The following KCNS3 variants were observed in gnomAD, a reference collection of about 807,000 sequenced individuals.
The protein encoded by KCNS3 is delayed-rectifier potassium channel regulatory subunit KCNS3.
In KCNS3, 13 loss-of-function variants were observed where a neutral mutation model predicts 31.0. The observed-to-expected ratio is 0.42, with a 90% CI of 0.27 to 0.67. The LOEUF is 0.67. Among genes scored for constraint, KCNS3 ranks in the 30% least tolerant of loss-of-function variants. The pLI, the probability that KCNS3 is intolerant of heterozygous loss-of-function variation, is 0.25. For missense variants in KCNS3, 545 were observed against 622.4 expected, an observed-to-expected ratio of 0.88 and a Z score of 1.32; for synonymous variants, 238 against 241.5, an observed-to-expected ratio of 0.99 and a Z score of 0.13.
At chr2:17,883,927 TA>T (rs1674699923) in intron 1 of KCNS3, among the ~76,000 whole-genome samples, 1 of 151,572 alleles carries the variant, frequency 6.6e-6, no homozygotes, top group Non-Finnish European at 1.5e-5. Flanking sequence ...TATGCAGCCA[TA>T]AAAAAGGATG....
At chr2:17,930,179 G>T (rs1440395790) in intron 2 of KCNS3, among the ~76,000 whole-genome samples, 1 of 152,204 alleles carries the variant, frequency 6.6e-6, no homozygotes, top group Non-Finnish European at 1.5e-5. Context: ...TGATGGGAAG[G>T]AGGAGGTGGG....
At chr2:17,906,494 T>C (rs1662319759) in intron 1 of KCNS3, among the ~76,000 whole-genome samples, 1 of 152,218 alleles carries the variant, frequency 6.6e-6, no homozygotes, top group African/African-American at 2.4e-5. Flanking sequence ...ATTTCTTGCC[T>C]TCTGCTAGCT....
chr2:17,922,685 C>T (rs1414608344), intron 2 of KCNS3, among the ~76,000 whole-genome samples: 2 of 152,048 alleles, frequency 1.3e-5, no homozygotes, highest in Admixed American at 1.3e-4. Flanking sequence ...CCCCAGCAAC[C>T]ACTAATCTAC....
At chr2:17,911,048 T>C (rs1662460733) in intron 1 of KCNS3, among the ~76,000 whole-genome samples, 1 of 152,174 alleles carries the variant, frequency 6.6e-6, no homozygotes, top group African/African-American at 2.4e-5. Flanking sequence ...TACTTGTTCA[T>C]ACCTGACTCG....
At position 17,932,901 on chromosome 2, in the gene KCNS3, T is replaced by C. The variant is rs1471925788; in HGVS notation, c.*417T>C. On this transcript the variant is annotated 3_prime_UTR_variant, in exon 3 of 3. Coordinates refer to ENST00000304101, the MANE Select transcript of KCNS3 (RefSeq NM_002252.5). ...AAATGAGACAATGCATGTAAATCCA[T>C]GCTCATGTTCTAAACATGGAAACTA... The C allele has an allele frequency of 5.7e-6, 1 of 174,540 alleles. No individual in the cohort carries two copies. The highest frequency in any genetic ancestry group is 1.9e-4 in the East Asian group (1 of 5,364). The allele number at this position is 174,540 out of a possible 1,614,324, so 10.8% of individuals were successfully genotyped here. A position where few individuals can be genotyped will look rare whatever the true frequency, so the allele number is the denominator to read the frequency against.
chr2:17,910,366 T>G (rs926265764), intron 1 of KCNS3, among the ~76,000 whole-genome samples: 3 of 152,218 alleles, frequency 2.0e-5, no homozygotes, highest in African/African-American at 7.2e-5. Context: ...ATGGAAGGAA[T>G]TGCTAAAATT....
At chr2:17,879,880 G>T (rs1339976783) in intron 1 of KCNS3, among the ~76,000 whole-genome samples, 3 of 152,170 alleles carry the variant, frequency 2.0e-5, no homozygotes, top group Non-Finnish European at 4.4e-5. Flanking sequence ...GCGTGAAGTG[G>T]GGGGAGGGGC....
intron 2 of KCNS3, among the ~76,000 whole-genome samples, chr2:17,919,156 G>A (rs559873284): frequency 1.3e-5 from 2 of 152,318 alleles, no homozygotes; most frequent in South Asian, 4.1e-4. Flanking sequence ...GATGAGCTGT[G>A]TGAATTACAG....
intron 1 of KCNS3, among the ~76,000 whole-genome samples, chr2:17,899,689 C>T (rs866560193): frequency 3.3e-5 from 5 of 152,236 alleles, no homozygotes; most frequent in Middle Eastern, 3.4e-3. Flanking sequence ...TCAAATAGTG[C>T]CTGGCACAAA....
chr2:17,916,359 AGGAGGAGGAGGAAGG>A (rs1166143962), intron 1 of KCNS3, among the ~76,000 whole-genome samples: 2 of 151,752 alleles, frequency 1.3e-5, no homozygotes, highest in East Asian at 1.9e-4. Flanking sequence ...GGGAGAAAGA[AGGAGGAGGAGGAAGG>A]GGAGGAGGAG....
intron 2 of KCNS3, among the ~76,000 whole-genome samples, chr2:17,925,930 C>A (rs1003499264): frequency 1.3e-5 from 2 of 152,188 alleles, no homozygotes; most frequent in Non-Finnish European, 2.9e-5. Flanking sequence ...TCATCCGAGA[C>A]AAGGCAAGTC....
intron 1 of KCNS3, among the ~76,000 whole-genome samples, chr2:17,903,605 C>G (rs965427624): frequency 6.6e-6 from 1 of 151,878 alleles, no homozygotes; most frequent in Non-Finnish European, 1.5e-5. Flanking sequence ...TTTCCTTCCC[C>G]CTTCCCCCCA....
At chr2:17,891,705 A>G (rs960290230) in intron 1 of KCNS3, among the ~76,000 whole-genome samples, 3 of 152,290 alleles carry the variant, frequency 2.0e-5, no homozygotes, top group Admixed American at 1.3e-4. Flanking sequence ...GCTGGATACA[A>G]AATTCTTGGC....
At position 17,931,034 on chromosome 2, in the gene KCNS3, G is replaced by A. The variant is rs34458219; in HGVS notation, c.26G>A (p.Arg9His). MVFGEFFH[R>H]PGQDEELVNL... is the part of the protein sequence containing the mutation. Reference sequence around the variant, plus strand: ...ATGGTGTTTGGTGAGTTTTTCCATCGCCCTGGACAAGACGAGGAACTTGTC... The same window carrying A: ...ATGGTGTTTGGTGAGTTTTTCCATCACCCTGGACAAGACGAGGAACTTGTC... The change falls in exon 3 of 3, where the codon CGC (arginine) becomes CAC (histidine). Residue 9 changes from arginine (R) to histidine (H), a missense_variant. Coordinates refer to ENST00000304101, the MANE Select transcript of KCNS3 (RefSeq NM_002252.5). This position sits in a 1 kb window ranked among gnomAD's most constrained non-coding sequence, Gnocchi z 5.4. The A allele has an allele frequency of 3.3e-3, 5,253 of 1,613,764 alleles. 134 individuals are homozygous for A. The African/African-American group carries it at 0.059, about 18-fold the overall frequency.
At chr2:17,924,724 C>A (rs1278149955) in intron 2 of KCNS3, among the ~76,000 whole-genome samples, 1 of 152,008 alleles carries the variant, frequency 6.6e-6, no homozygotes, top group East Asian at 1.9e-4. Context: ...TAATATAATT[C>A]TTTTTATATG....
chr2:17,915,523 C>G (rs760773339), intron 1 of KCNS3, among the ~76,000 whole-genome samples: 2 of 152,160 alleles, frequency 1.3e-5, no homozygotes, highest in Non-Finnish European at 2.9e-5. Flanking sequence ...TAATTGAACT[C>G]AGGCAGATCT....
At chr2:17,901,752 T>G (rs1258697325) in intron 1 of KCNS3, among the ~76,000 whole-genome samples, 1 of 152,118 alleles carries the variant, frequency 6.6e-6, no homozygotes, top group Non-Finnish European at 1.5e-5. Context: ...GTCTTCAGCT[T>G]GGTTGATGAT....
At chr2:17,895,191 A>G (rs1404327515) in intron 1 of KCNS3, among the ~76,000 whole-genome samples, 1 of 152,194 alleles carries the variant, frequency 6.6e-6, no homozygotes, top group African/African-American at 2.4e-5. Flanking sequence ...TATTTATTAT[A>G]TCTTTTAAAA....
At chr2:17,893,938 C>CA (rs1661919404) in intron 1 of KCNS3, among the ~76,000 whole-genome samples, 1 of 103,894 alleles carries the variant, frequency 9.6e-6, no homozygotes, top group Non-Finnish European at 1.8e-5. Context: ...TCCCAGGAGC[C>CA]AGTTTTTTTT....
Sources: gnomAD v4.1 joint callset for allele counts (sites outside exome capture counted in the v4.1 genomes callset) on GRCh38, gnomAD v4.1.1 for gene constraint, Gnocchi (gnomAD v3.1) non-coding constraint, MANE v1.5 for transcripts, NCBI Gene and HGNC (gene_info 2026-07-23, HGNC 2026-07-21) for gene names.